Variants in CYP7B1 observed in about 807,000 individuals in gnomAD.
The protein encoded by CYP7B1 is cytochrome P450 7B1.
CYP7B1 carries 29 observed loss-of-function variants against 42.7 expected under a neutral mutation model. The observed-to-expected ratio is 0.68, with a 90% CI of 0.51 to 0.93. The LOEUF (loss-of-function observed/expected upper bound fraction) is 0.93, where lower values mean the gene tolerates loss of function less well. Ranked by LOEUF, CYP7B1 falls within the 40% of genes least tolerant of loss-of-function variation. CYP7B1 has a pLI of 0.00. For missense variants in CYP7B1, 655 were observed against 600.5 expected, an observed-to-expected ratio of 1.09 and a Z score of -0.95; for synonymous variants, 235 against 218.2, an observed-to-expected ratio of 1.08 and a Z score of -0.68.
chr8:64,721,092 G>GT lies in CYP7B1; in HGVS notation c.122+77373dup, dbSNP rs1004354782. On this transcript the variant is annotated intron_variant, in intron 1 of 5. Coordinates refer to ENST00000310193, the MANE Select transcript of CYP7B1 (RefSeq NM_004820.5). ...AGTATAGAAAACTGATTCTTACCTG[G>GT]TTTTTTTTTTTACCTATAAAGTCAA... Among the ~76,000 whole-genome samples the GT allele has an allele frequency of 5.4e-3, 789 of 144,776 alleles. 2 individuals are homozygous for GT. The highest frequency in any genetic ancestry group is 6.1e-3 in the Non-Finnish European group (398 of 65,508). 95.0% of individuals were successfully genotyped at this position (144,776 alleles called of 152,430 possible).
At chr8:64,724,971 T>C (rs1373759716) in intron 1 of CYP7B1, among the ~76,000 whole-genome samples, 2 of 152,258 alleles carry the variant, frequency 1.3e-5, no homozygotes, top group African/African-American at 4.8e-5. Context: ...CCTTGTCCGA[T>C]AGTACGTCAT....
chr8:64,656,602 A>G (rs1287836413), intron 1 of CYP7B1, among the ~76,000 whole-genome samples: 2 of 152,238 alleles, frequency 1.3e-5, no homozygotes, highest in African/African-American at 4.8e-5. Context: ...TTTCTTATGC[A>G]CCACCATATC....
chr8:64,737,106 A>G (rs79273911), intron 1 of CYP7B1, among the ~76,000 whole-genome samples: 2,232 of 152,194 alleles, frequency 0.015, 60 homozygotes, highest in African/African-American at 0.05. Context: ...TTAAAAATCT[A>G]TTTTGTGTGT....
intron 1 of CYP7B1, among the ~76,000 whole-genome samples, chr8:64,720,762 T>C (rs998427901): frequency 6.6e-6 from 1 of 152,156 alleles, no homozygotes; most frequent in Admixed American, 6.5e-5. Context: ...CCTTAAATTA[T>C]GTAATTGTGA....
intron 1 of CYP7B1, among the ~76,000 whole-genome samples, chr8:64,759,927 T>G (rs922210288): frequency 6.6e-6 from 1 of 152,152 alleles, no homozygotes; most frequent in African/African-American, 2.4e-5. Flanking sequence ...TTATTTTCAG[T>G]TTTTTAAGCC....
At chr8:64,656,410 T>TA (rs1176012415) in intron 1 of CYP7B1, among the ~76,000 whole-genome samples, 3 of 152,270 alleles carry the variant, frequency 2.0e-5, no homozygotes, top group Non-Finnish European at 2.9e-5. Flanking sequence ...GCAAGTGAGG[T>TA]AACTTTCTCA....
intron 2 of CYP7B1, among the ~76,000 whole-genome samples, chr8:64,621,038 C>T (rs1393857857): frequency 6.6e-6 from 1 of 152,174 alleles, no homozygotes; most frequent in African/African-American, 2.4e-5. Flanking sequence ...TCTATCTATT[C>T]ATTAGAAACA....
chr8:64,646,519 C>T (rs1044521858), intron 1 of CYP7B1, among the ~76,000 whole-genome samples: 3 of 152,164 alleles, frequency 2.0e-5, no homozygotes, highest in Non-Finnish European at 4.4e-5. Context: ...TGCATTAGCC[C>T]CTAAGAAGAG....
chr8:64,692,576 G>A (rs571179266), intron 1 of CYP7B1, among the ~76,000 whole-genome samples: 6 of 152,262 alleles, frequency 3.9e-5, no homozygotes, highest in East Asian at 3.9e-4. Context: ...GTATAATTAC[G>A]TAAAGGTCAG....
chr8:64,670,881 T>G (rs1019606915), intron 1 of CYP7B1, among the ~76,000 whole-genome samples: 1 of 151,992 alleles, frequency 6.6e-6, no homozygotes, highest in African/African-American at 2.4e-5. Flanking sequence ...CTTTTTTTTT[T>G]AAACCCTGGT....
At chr8:64,714,766 A>G (rs1807131328) in intron 1 of CYP7B1, among the ~76,000 whole-genome samples, 1 of 147,998 alleles carries the variant, frequency 6.8e-6, no homozygotes, top group South Asian at 2.1e-4. Context: ...ATGACTGCAC[A>G]CAATGATGGT....
intron 1 of CYP7B1, among the ~76,000 whole-genome samples, chr8:64,652,754 G>A (rs1383411314): frequency 1.3e-5 from 2 of 152,186 alleles, no homozygotes; most frequent in African/African-American, 4.8e-5. Context: ...TGAGGCAGGA[G>A]AATGGCGTGA....
At chr8:64,702,625 A>G (rs1042894991) in intron 1 of CYP7B1, among the ~76,000 whole-genome samples, 2 of 152,128 alleles carry the variant, frequency 1.3e-5, no homozygotes, top group African/African-American at 4.8e-5. Context: ...GAACTATTGA[A>G]GAGGACACAC....
rs138770801 is a variant in CYP7B1 at position 64,593,230 on chromosome 8, A to AGGGGGT, written c.*3411_*3412insACCCCC. On this transcript the variant is annotated 3_prime_UTR_variant, in exon 6 of 6. Transcript: ENST00000310193. Reference sequence around the variant, plus strand: ...TGTGGTGGACTAAAGGCTAGGGCCCAGGGTGTGTGTGTGTGTGTGTGTGTG... The same window carrying AGGGGGT: ...TGTGGTGGACTAAAGGCTAGGGCCCAGGGGGTGGGTGTGTGTGTGTGTGTGTGTGTG... Among the ~76,000 whole-genome samples the AGGGGGT allele has an allele frequency of 3.5e-5, 4 of 113,658 alleles. No homozygotes were observed. Among genetic ancestry groups the AGGGGGT allele is most frequent in the Admixed American group, 9.5e-5 (1 of 10,526 alleles). 74.6% of individuals were successfully genotyped at this position (113,658 alleles called of 152,430 possible). A position where few individuals can be genotyped will look rare whatever the true frequency, so the allele number is the denominator to read the frequency against.
intron 1 of CYP7B1, among the ~76,000 whole-genome samples, chr8:64,720,729 A>C (rs965333858): frequency 2.0e-5 from 3 of 152,118 alleles, no homozygotes; most frequent in African/African-American, 7.2e-5. Context: ...AAGAAATATA[A>C]ATTTCTTGTG....
chr8:64,710,420 G>A (rs1469010788), intron 1 of CYP7B1, among the ~76,000 whole-genome samples: 2 of 152,124 alleles, frequency 1.3e-5, no homozygotes, highest in Non-Finnish European at 2.9e-5. Flanking sequence ...ACTTTGCAAG[G>A]CCAAAGGATA....
chr8:64,713,804 A>G (rs548689052), intron 1 of CYP7B1, among the ~76,000 whole-genome samples: 1 of 152,308 alleles, frequency 6.6e-6, no homozygotes, highest in East Asian at 1.9e-4. Context: ...TAAGAGCCCA[A>G]ATTTTCCCAA....
At chr8:64,681,593 C>T (rs1474758240) in intron 1 of CYP7B1, among the ~76,000 whole-genome samples, 1 of 152,162 alleles carries the variant, frequency 6.6e-6, no homozygotes. Flanking sequence ...TCTGATGAAG[C>T]AAGCTACTAT....
In CYP7B1 at chr8:64,592,873, TC is replaced by T. The variant is rs1805057446; in HGVS notation, c.*3768del. Among the ~76,000 whole-genome samples the T allele has an allele frequency of 6.6e-6, 1 of 152,254 alleles. No homozygotes were observed. Among genetic ancestry groups the T allele is most frequent in the Non-Finnish European group, 1.5e-5 (1 of 68,050 alleles). On this transcript the variant is annotated 3_prime_UTR_variant, in exon 6 of 6. Transcript: ENST00000310193. ...GAATCTGCATCTTTTAACTGATTTG[TC>T]CAGGACATGTTTTTCTATTTGTAAA...
Sources: allele counts gnomAD v4.1 joint callset (sites outside exome capture counted in the v4.1 genomes callset), GRCh38; gene constraint gnomAD v4.1.1; transcripts MANE v1.5; gene names NCBI Gene and HGNC (gene_info 2026-07-23, HGNC 2026-07-21).